The following VANGL1 variants were observed in gnomAD, a reference collection of about 807,000 sequenced individuals.
VANGL1 encodes vang-like protein 1.
In VANGL1, 18 loss-of-function variants were observed where a neutral mutation model predicts 48.4. The observed-to-expected ratio is 0.37, with a 90% CI of 0.26 to 0.55. The LOEUF is 0.55. Among genes scored for constraint, VANGL1 ranks in the 20% least tolerant of loss-of-function variants. The pLI is 0.81. For synonymous variants in VANGL1, 257 were observed against 261.8 expected (o/e 0.98, Z 0.18); for missense variants, 667 against 675.8 (o/e 0.99, Z 0.14).
At chr1:115,650,824 C>A (rs1652111927) in intron 1 of VANGL1, among the ~76,000 whole-genome samples, 1 of 150,734 alleles carries the variant, frequency 6.6e-6, no homozygotes, top group Admixed American at 6.6e-5. Context: ...GATCCTAGAT[C>A]AAAAAGATTG....
chr1:115,656,449 G>A (rs1652358406), intron 2 of VANGL1, among the ~76,000 whole-genome samples: 1 of 152,212 alleles, frequency 6.6e-6, no homozygotes, highest in African/African-American at 2.4e-5. Flanking sequence ...TTTGATTTCT[G>A]TTGTCTCCCT....
At chr1:115,673,549 C>T (rs1196985594) in intron 4 of VANGL1, among the ~76,000 whole-genome samples, 1 of 151,586 alleles carries the variant, frequency 6.6e-6, no homozygotes, top group African/African-American at 2.4e-5. Flanking sequence ...CAGTTTCTGC[C>T]CCCATCATTA....
chr1:115,670,129 A>G (rs1342760980), intron 4 of VANGL1, among the ~76,000 whole-genome samples: 2 of 152,168 alleles, frequency 1.3e-5, no homozygotes, highest in African/African-American at 2.4e-5. Flanking sequence ...ACCCTTAGAA[A>G]AGGCTGTGTG....
At position 115,664,269 on chromosome 1, in the gene VANGL1, GTAAGAGGCAAC is replaced by G; in HGVS notation, c.812+2_812+12del. The G allele has an allele frequency of 6.2e-7, 1 of 1,613,586 alleles. No individual in the cohort carries two copies. Among genetic ancestry groups the G allele is most frequent in the Non-Finnish European group, 8.5e-7 (1 of 1,179,928 alleles). On this transcript the variant is annotated splice_donor_variant and splice_donor_5th_base_variant and intron_variant, in intron 4 of 7. Transcript: ENST00000355485. LOFTEE classifies it high-confidence loss of function. ...GCTTCTACAGCCTGGGACACCTGAG[GTAAGAGGCAAC>G]ATCCAGGAGGCAGAAAGGATGGCTG...
At chr1:115,685,196 G>A in intron 6 of VANGL1, 97 bp from the exon 7 acceptor site, 10 of 1,323,198 alleles carry the variant, frequency 7.6e-6, no homozygotes, top group Middle Eastern at 1.9e-4. Flanking sequence ...TGGGTATGTT[G>A]GCAGGTTGGG....
intron 3 of VANGL1, among the ~76,000 whole-genome samples, chr1:115,661,774 C>A (rs138524775): frequency 6.6e-6 from 1 of 152,070 alleles, no homozygotes; most frequent in Non-Finnish European, 1.5e-5. Context: ...CGCACCACCA[C>A]GCCCAGCTAA....
At chr1:115,665,858 TG>T (rs1175243230) in intron 4 of VANGL1, among the ~76,000 whole-genome samples, 1 of 152,212 alleles carries the variant, frequency 6.6e-6, no homozygotes, top group Non-Finnish European at 1.5e-5. Context: ...TGCAGAGCCC[TG>T]GACACACCAG....
chr1:115,670,608 C>G (rs926480076), intron 4 of VANGL1, among the ~76,000 whole-genome samples: 4 of 152,160 alleles, frequency 2.6e-5, no homozygotes, highest in South Asian at 2.1e-4. Context: ...GTAGGCATGT[C>G]TCTCATGCTG....
intron 7 of VANGL1, among the ~76,000 whole-genome samples, chr1:115,690,903 G>T (rs915774051): frequency 6.6e-6 from 1 of 152,220 alleles, no homozygotes; most frequent in African/African-American, 2.4e-5. Context: ...TGGATAGTAG[G>T]TAAAGGGGAG....
At chr1:115,656,812 G>A (rs1376318619) in intron 2 of VANGL1, among the ~76,000 whole-genome samples, 2 of 152,222 alleles carry the variant, frequency 1.3e-5, no homozygotes, top group Non-Finnish European at 2.9e-5. Flanking sequence ...TAGGGTTCAG[G>A]CTCCGGGAAT....
intron 7 of VANGL1, among the ~76,000 whole-genome samples, chr1:115,690,239 C>T (rs79564064): frequency 0.057 from 8,656 of 150,644 alleles, 777 homozygotes; most frequent in Admixed American, 0.095. Flanking sequence ...AAGGGTCACA[C>T]GAGAGTCAGT....
rs545101862 is a variant in VANGL1 at position 115,697,733 on chromosome 1, A to G, written c.*6354A>G. On this transcript the variant is annotated 3_prime_UTR_variant, in exon 8 of 8. Coordinates refer to ENST00000355485, the MANE Select transcript of VANGL1 (RefSeq NM_138959.3). ...CAGCACCAATTTAGAAAGTTCAGAG[A>G]TGAAACCACCTGTCTTTACCTGACA... 1 of 152,352 alleles carries G rather than the reference A, an allele frequency of 6.6e-6. No homozygotes were observed. The highest frequency in any genetic ancestry group is 2.1e-4 in the South Asian group (1 of 4,832). 9.4% of individuals were successfully genotyped at this position (152,352 alleles called of 1,614,324 possible).
In VANGL1 at chr1:115,692,576, C is replaced by T. The variant is rs866898864; in HGVS notation, c.*1197C>T. 6.5e-6 allele frequency: 1 copy of T among 152,730 alleles called. No individual in the cohort carries two copies. Among genetic ancestry groups the T allele is most frequent in the Admixed American group, 6.5e-5 (1 of 15,276 alleles). The allele number at this position is 152,730 out of a possible 1,614,324, so 9.5% of individuals were successfully genotyped here. On this transcript the variant is annotated 3_prime_UTR_variant, in exon 8 of 8. Transcript: ENST00000355485. ...ATAAAGTGGGGAGAAGGAAAATGGA[C>T]ACTCTACAGAGTTTGGGGAAGGGAG...
intron 7 of VANGL1, among the ~76,000 whole-genome samples, chr1:115,689,406 T>A (rs1198787772): frequency 1.5e-5 from 2 of 134,626 alleles, no homozygotes; most frequent in Non-Finnish European, 3.2e-5. Context: ...CTGAGGCAGG[T>A]CAATCACCTG....
intron 7 of VANGL1, among the ~76,000 whole-genome samples, chr1:115,690,815 G>A (rs1653801958): frequency 6.6e-6 from 1 of 152,204 alleles, no homozygotes; most frequent in African/African-American, 2.4e-5. Context: ...ATGCAGCCAT[G>A]ACGGCTTCCA....
chr1:115,652,835 T>G (rs1652204402), intron 2 of VANGL1, among the ~76,000 whole-genome samples: 1 of 152,036 alleles, frequency 6.6e-6, no homozygotes. Flanking sequence ...CTGCCAGGAG[T>G]GGTCATCCAT....
At position 115,652,188 on chromosome 1, in the gene VANGL1, T is replaced by C. The variant is rs543205398; in HGVS notation, c.71+704T>C. Reference sequence around the variant, plus strand: ...TAGGATTGTCCTGGCACCTTATTCTTTTTGACTAATCTTCAGGTGAACAAG... The same window carrying C: ...TAGGATTGTCCTGGCACCTTATTCTCTTTGACTAATCTTCAGGTGAACAAG... On this transcript the variant is annotated intron_variant, in intron 2 of 7. Coordinates refer to ENST00000355485, the MANE Select transcript of VANGL1 (RefSeq NM_138959.3). 7.4e-4 allele frequency among the ~76,000 whole-genome samples: 112 copies of C among 152,370 alleles called. No homozygotes were observed. In the Middle Eastern group the frequency reaches 0.01, roughly 14 times the overall value.
chr1:115,657,924 G>A (rs1009186154), intron 2 of VANGL1, among the ~76,000 whole-genome samples: 4 of 152,180 alleles, frequency 2.6e-5, no homozygotes, highest in Admixed American at 2.0e-4. Flanking sequence ...GAGAGGAGGC[G>A]CCACACACTT....
rs28448309 is a variant in VANGL1, at chr1:115,681,503, G to T, written c.813-861G>T. ...CAGCGGAGGCTCTCTTTTTTTTGTT[G>T]TTTTTTTTGTTTTTTTTTTTGAGAC... On this transcript the variant is annotated intron_variant, in intron 4 of 7. Coordinates refer to ENST00000355485, the MANE Select transcript of VANGL1 (RefSeq NM_138959.3). Among the ~76,000 whole-genome samples, 1,000 of 114,782 alleles carry T rather than the reference G, an allele frequency of 8.7e-3. 12 individuals carry two copies. Among genetic ancestry groups the T allele is most frequent in the East Asian group, 0.028 (111 of 3,960 alleles). 75.3% of individuals were successfully genotyped at this position (114,782 alleles called of 152,430 possible).
Sources: gnomAD v4.1 joint callset for allele counts (sites outside exome capture counted in the v4.1 genomes callset) on GRCh38, gnomAD v4.1.1 for gene constraint, MANE v1.5 for transcripts, NCBI Gene and HGNC (gene_info 2026-07-23, HGNC 2026-07-21) for gene names.